The following DTL variants were observed in gnomAD, a reference collection of about 807,000 sequenced individuals.
DTL encodes denticleless protein homolog.
A neutral mutation model predicts 87.0 loss-of-function variants in DTL; 46 were observed. The ratio of observed to expected loss-of-function variants is 0.53; its 90% CI spans 0.42 to 0.68. DTL has a LOEUF of 0.68. DTL is among the 30% of genes least tolerant of loss of function. The pLI, the probability that DTL is intolerant of heterozygous loss-of-function variation, is 0.00. For synonymous variants in DTL, 308 were observed against 311.2 expected (o/e 0.99, Z 0.11); for missense variants, 737 against 869.4 (o/e 0.85, Z 1.91).
chr1:212,097,880 G>A (rs1655497406), intron 13 of DTL, among the ~76,000 whole-genome samples: 1 of 141,898 alleles, frequency 7.0e-6, no homozygotes, highest in African/African-American at 2.7e-5. Flanking sequence ...GGGACTCAAT[G>A]TGTGCTGTTT....
chr1:212,087,162 T>G (rs1342941371), intron 13 of DTL, among the ~76,000 whole-genome samples: 1 of 152,230 alleles, frequency 6.6e-6, no homozygotes, highest in Non-Finnish European at 1.5e-5. Flanking sequence ...CTCATAGCTA[T>G]GAAGTTGTAG....
chr1:212,092,317 C>G (rs1571980876), intron 13 of DTL, among the ~76,000 whole-genome samples: 1 of 152,224 alleles, frequency 6.6e-6, no homozygotes, highest in East Asian at 1.9e-4. Flanking sequence ...GGTGGATCAC[C>G]TGAGGTCAGG....
intron 13 of DTL, among the ~76,000 whole-genome samples, chr1:212,099,009 A>G (rs1026279646): frequency 3.3e-5 from 5 of 152,158 alleles, no homozygotes; most frequent in African/African-American, 7.2e-5. Flanking sequence ...TCCTTCCCCA[A>G]TTCCATTGGC....
chr1:212,039,086 A>G (rs1667567883), intron 1 of DTL, among the ~76,000 whole-genome samples: 1 of 151,706 alleles, frequency 6.6e-6, no homozygotes, highest in South Asian at 2.1e-4. Context: ...TTTACTGATC[A>G]CTCTGTCATA....
chr1:212,075,325 T>A (rs1654796452), intron 11 of DTL, among the ~76,000 whole-genome samples: 1 of 152,208 alleles, frequency 6.6e-6, no homozygotes, highest in Non-Finnish European at 1.5e-5. Flanking sequence ...TGAATTAAAG[T>A]CTTTATTTTA....
chr1:212,085,170 G>A (rs1459394362), intron 13 of DTL, among the ~76,000 whole-genome samples: 1 of 152,090 alleles, frequency 6.6e-6, no homozygotes, highest in Non-Finnish European at 1.5e-5. Flanking sequence ...CATGGCTGTG[G>A]AACCCAGTAT....
At chr1:212,043,643 A>G (rs1667721751) in intron 2 of DTL, among the ~76,000 whole-genome samples, 1 of 151,980 alleles carries the variant, frequency 6.6e-6, no homozygotes, top group African/African-American at 2.4e-5. Flanking sequence ...AGCCTGGCCA[A>G]CATGGTGAAA....
intron 10 of DTL, among the ~76,000 whole-genome samples, chr1:212,069,186 A>G (rs1394457869): frequency 6.6e-6 from 1 of 151,990 alleles, no homozygotes; most frequent in Admixed American, 6.5e-5. Flanking sequence ...AACTTTAAAA[A>G]TAGAATCTGA....
At chr1:212,055,529 GGGGC>G (rs1668147174) in intron 5 of DTL, among the ~76,000 whole-genome samples, 3 of 152,146 alleles carry the variant, frequency 2.0e-5, no homozygotes, top group African/African-American at 7.2e-5. Context: ...CCTGAGTGGA[GGGGC>G]AGCTGCACAT....
intron 8 of DTL, among the ~76,000 whole-genome samples, chr1:212,067,773 A>T (rs1327374015): frequency 6.6e-6 from 1 of 152,248 alleles, no homozygotes; most frequent in African/African-American, 2.4e-5. Context: ...TCAATAGATG[A>T]AATGAAAAAA....
At chr1:212,074,692 C>G (rs542438155) in intron 11 of DTL, among the ~76,000 whole-genome samples, 1 of 152,226 alleles carries the variant, frequency 6.6e-6, no homozygotes, top group South Asian at 2.1e-4. Context: ...CAATTCCATT[C>G]AAGCTGAGTA....
chr1:212,040,148 C>T (rs969429017), intron 1 of DTL, among the ~76,000 whole-genome samples: 4 of 152,190 alleles, frequency 2.6e-5, no homozygotes, highest in Non-Finnish European at 4.4e-5. Context: ...TTTATTTCTT[C>T]ATATTCTTAT....
At chr1:212,099,967 A>G (rs530597275) in intron 13 of DTL, among the ~76,000 whole-genome samples, 2 of 152,334 alleles carry the variant, frequency 1.3e-5, no homozygotes, top group South Asian at 4.1e-4. Flanking sequence ...AAAGTATGCT[A>G]AACATGGTTT....
At chr1:212,078,776 G>A (rs1036891160) in intron 12 of DTL, among the ~76,000 whole-genome samples, 3 of 152,036 alleles carry the variant, frequency 2.0e-5, no homozygotes, top group African/African-American at 7.2e-5. Flanking sequence ...AAGACAATAT[G>A]CCCACCTTTT....
chr1:212,060,805 A>G (rs1654265413), intron 5 of DTL, among the ~76,000 whole-genome samples: 1 of 152,074 alleles, frequency 6.6e-6, no homozygotes, highest in Non-Finnish European at 1.5e-5. Context: ...TAGAACTACT[A>G]GAAGAAAACA....
intron 11 of DTL, among the ~76,000 whole-genome samples, chr1:212,075,853 G>A (rs1223767878): frequency 3.3e-5 from 5 of 151,952 alleles, no homozygotes; most frequent in Non-Finnish European, 7.4e-5. Flanking sequence ...AAAAAAACCC[G>A]TGTCCTTTAA....
At chr1:212,090,834 T>C (rs886285963) in intron 13 of DTL, among the ~76,000 whole-genome samples, 1 of 152,244 alleles carries the variant, frequency 6.6e-6, no homozygotes. Flanking sequence ...AAAGAAAAAC[T>C]ATCTCCTTTA....
intron 12 of DTL, among the ~76,000 whole-genome samples, chr1:212,079,323 A>G (rs928335081): frequency 6.6e-6 from 1 of 151,746 alleles, no homozygotes; most frequent in Non-Finnish European, 1.5e-5. Context: ...CTTTTTTTCA[A>G]TTGTCATATA....
chr1:212,037,176 G>A (rs983954731), intron 1 of DTL, among the ~76,000 whole-genome samples: 1 of 152,122 alleles, frequency 6.6e-6, no homozygotes, highest in African/African-American at 2.4e-5. Flanking sequence ...CTATATGTGT[G>A]TTCTGGGGGA....
Sources: gnomAD v4.1 joint callset for allele counts (sites outside exome capture counted in the v4.1 genomes callset) on GRCh38, gnomAD v4.1.1 for gene constraint, MANE v1.5 for transcripts, NCBI Gene and HGNC (gene_info 2026-07-23, HGNC 2026-07-21) for gene names.